The following ARHGAP28 variants were observed in gnomAD, a reference collection of about 807,000 sequenced individuals.
ARHGAP28 encodes the protein rho GTPase-activating protein 28.
Under a neutral mutation model 90.7 loss-of-function variants are expected in ARHGAP28, and 56 were observed. That is an observed-to-expected ratio of 0.62 (90% CI 0.50 to 0.77). The LOEUF is 0.77. Among genes scored for constraint, ARHGAP28 ranks in the 30% least tolerant of loss-of-function variants. ARHGAP28 has a pLI of 0.00. For missense variants in ARHGAP28, 869 were observed against 900.9 expected, an observed-to-expected ratio of 0.96 and a Z score of 0.45; for synonymous variants, 308 against 323.3, an observed-to-expected ratio of 0.95 and a Z score of 0.51.
intron 1 of ARHGAP28, among the ~76,000 whole-genome samples, chr18:6,822,394 A>G (rs2143756699): frequency 6.6e-6 from 1 of 152,288 alleles, no homozygotes; most frequent in South Asian, 2.1e-4. Flanking sequence ...TAAAAGAAGT[A>G]GGTGTTTATA....
At position 6,757,210 on chromosome 18, in the gene ARHGAP28, A is replaced by G. The variant is rs547670060; in HGVS notation, c.122+27267A>G. 2.6e-5 allele frequency among the ~76,000 whole-genome samples: 4 copies of G among 152,354 alleles called. No homozygotes were observed. In the South Asian group the frequency reaches 8.3e-4, roughly 32 times the overall value. On this transcript the variant is annotated intron_variant, in intron 1 of 17. Transcript: ENST00000383472. ...TGGCAAACAGCAGTATTTTTTGGAAACATGGAAACTGGTTAGTGTAATAAG... is the reference window on the plus strand; with the variant it reads ...TGGCAAACAGCAGTATTTTTTGGAAGCATGGAAACTGGTTAGTGTAATAAG...
At chr18:6,903,698 G>A (rs536449704) in intron 16 of ARHGAP28, among the ~76,000 whole-genome samples, 95 of 151,972 alleles carry the variant, frequency 6.3e-4, no homozygotes, top group Non-Finnish European at 1.2e-3. Context: ...GAGCGTGGTG[G>A]TGGGCGCCTG....
At chr18:6,749,153 AG>A (rs893848122) in intron 1 of ARHGAP28, among the ~76,000 whole-genome samples, 6 of 152,246 alleles carry the variant, frequency 3.9e-5, no homozygotes, top group Non-Finnish European at 7.3e-5. Flanking sequence ...AAAGTCAATC[AG>A]TGCAAACAAG....
At chr18:6,827,695 T>C (rs2056681808) in intron 2 of ARHGAP28, among the ~76,000 whole-genome samples, 1 of 151,100 alleles carries the variant, frequency 6.6e-6, no homozygotes, top group Admixed American at 6.6e-5. Flanking sequence ...GAGACGCTTC[T>C]CACTTCCCAG....
chr18:6,749,976 G>A (rs1160900769), intron 1 of ARHGAP28, among the ~76,000 whole-genome samples: 1 of 152,114 alleles, frequency 6.6e-6, no homozygotes, highest in Non-Finnish European at 1.5e-5. Flanking sequence ...AATGGCATTT[G>A]TGATGATCTC....
At chr18:6,772,296 G>C (rs1243022372) in intron 1 of ARHGAP28, among the ~76,000 whole-genome samples, 1 of 152,120 alleles carries the variant, frequency 6.6e-6, no homozygotes, top group African/African-American at 2.4e-5. Flanking sequence ...CAGAATGTAA[G>C]GTCATATTTA....
chr18:6,859,938 GT>G, intron 5 of ARHGAP28, 41 bp downstream of exon 5: 1 of 1,565,058 alleles, frequency 6.4e-7, no homozygotes, highest in Non-Finnish European at 8.8e-7. Context: ...TCAAGGTACA[GT>G]TGCAAGTCAA....
intron 1 of ARHGAP28, among the ~76,000 whole-genome samples, chr18:6,744,455 A>G (rs139364827): frequency 5.9e-5 from 9 of 152,218 alleles, no homozygotes; most frequent in Non-Finnish European, 1.0e-4. Flanking sequence ...ATTTTTCCCT[A>G]TTATTAAGTT....
chr18:6,907,243 T>C (rs574172858), intron 16 of ARHGAP28, among the ~76,000 whole-genome samples: 54 of 152,186 alleles, frequency 3.5e-4, no homozygotes, highest in Non-Finnish European at 7.2e-4. Flanking sequence ...ATAAAATAGT[T>C]TGGCAGTTTC....
intron 3 of ARHGAP28, among the ~76,000 whole-genome samples, chr18:6,846,482 G>C (rs2056867041): frequency 6.6e-6 from 1 of 152,202 alleles, no homozygotes. Context: ...TGGACGTGGA[G>C]TGTAGTCAGT....
At chr18:6,884,113 G>A (rs28486013) in intron 11 of ARHGAP28, among the ~76,000 whole-genome samples, 2,380 of 152,108 alleles carry the variant, frequency 0.016, 58 homozygotes, top group African/African-American at 0.055. Context: ...GGGGGCTCAC[G>A]CCTGTAATCC....
At chr18:6,740,729 C>G (rs1340580421) in intron 1 of ARHGAP28, among the ~76,000 whole-genome samples, 1 of 152,156 alleles carries the variant, frequency 6.6e-6, no homozygotes, top group East Asian at 1.9e-4. Flanking sequence ...AGCTAAGGAG[C>G]TCAGAGTATG....
At chr18:6,911,978 C>T (rs2057401788) in intron 17 of ARHGAP28, 82 bp from the exon 18 acceptor site, 3 of 836,184 alleles carry the variant, frequency 3.6e-6, no homozygotes, top group Non-Finnish European at 5.4e-6. Context: ...TTGAACCTCA[C>T]AAACACACAC....
intron 4 of ARHGAP28, among the ~76,000 whole-genome samples, chr18:6,854,936 C>G (rs1375113210): frequency 6.6e-6 from 1 of 152,226 alleles, no homozygotes; most frequent in East Asian, 1.9e-4. Flanking sequence ...TTGCAACCCC[C>G]CACGGTGTGC....
chr18:6,735,334 G>A (rs537895647), intron 1 of ARHGAP28, among the ~76,000 whole-genome samples: 1 of 152,228 alleles, frequency 6.6e-6, no homozygotes, highest in Admixed American at 6.5e-5. Context: ...TACGACCTAT[G>A]TTTTGATTTC....
At chr18:6,837,907 T>C (rs2056766761) in intron 3 of ARHGAP28, among the ~76,000 whole-genome samples, 1 of 152,150 alleles carries the variant, frequency 6.6e-6, no homozygotes, top group South Asian at 2.1e-4. Flanking sequence ...AGAGAATGAT[T>C]CAGAAAAGCA....
chr18:6,793,411 T>C (rs1057194258), intron 1 of ARHGAP28, among the ~76,000 whole-genome samples: 1 of 152,194 alleles, frequency 6.6e-6, no homozygotes, highest in Non-Finnish European at 1.5e-5. Flanking sequence ...TTCATGTTTA[T>C]GTTCTTCTTC....
intron 1 of ARHGAP28, among the ~76,000 whole-genome samples, chr18:6,815,550 G>A (rs529837892): frequency 3.8e-4 from 58 of 152,200 alleles, no homozygotes; most frequent in African/African-American, 1.3e-3. Context: ...TTGGGATATC[G>A]CCACTGATTA....
At chr18:6,732,634 G>C (rs941470988) in intron 1 of ARHGAP28, among the ~76,000 whole-genome samples, 3 of 152,108 alleles carry the variant, frequency 2.0e-5, no homozygotes, top group African/African-American at 7.2e-5. Context: ...TCAACATTGA[G>C]GCAGTTTCTT....
Sources: gnomAD v4.1 joint callset for allele counts (sites outside exome capture counted in the v4.1 genomes callset) on GRCh38, gnomAD v4.1.1 for gene constraint, MANE v1.5 for transcripts, NCBI Gene and HGNC (gene_info 2026-07-23, HGNC 2026-07-21) for gene names.